Variants in RNLS observed in about 807,000 individuals in gnomAD.
RNLS encodes the protein renalase, FAD dependent amine oxidase.
In RNLS, 39 loss-of-function variants were observed where a neutral mutation model predicts 39.8. The observed-to-expected ratio is 0.98, with a 90% confidence interval of 0.76 to 1.28. The LOEUF (loss-of-function observed/expected upper bound fraction) is 1.28. RNLS is among the 50% of genes most tolerant of loss of function. The probability of loss-of-function intolerance (pLI) is 0.00; values close to 1 mark genes in which losing one functional copy is unlikely to be tolerated. For synonymous variants in RNLS, 147 were observed against 150.7 expected, an observed-to-expected ratio of 0.98 and a Z score of 0.18; for missense variants, 410 against 413.3, an observed-to-expected ratio of 0.99 and a Z score of 0.07.
chr10:88,364,570 C>A (rs1180487464), intron 4 of RNLS, among the ~76,000 whole-genome samples: 1 of 152,076 alleles, frequency 6.6e-6, no homozygotes, highest in Non-Finnish European at 1.5e-5. Context: ...ATTCTTACTA[C>A]CCTATACTTT....
intron 5 of RNLS, among the ~76,000 whole-genome samples, chr10:88,351,273 C>T (rs1008381072): frequency 1.4e-4 from 21 of 152,276 alleles, no homozygotes; most frequent in Admixed American, 5.9e-4. Context: ...GTTGCCATTG[C>T]TTTTGGTGCT....
At chr10:88,432,058 C>G (rs930865014) in intron 4 of RNLS, among the ~76,000 whole-genome samples, 10 of 151,858 alleles carry the variant, frequency 6.6e-5, no homozygotes, top group African/African-American at 2.2e-4. Flanking sequence ...TTTGATAACT[C>G]TAGCAATTAT....
At chr10:88,549,118 T>C (rs1848487927) in intron 4 of RNLS, among the ~76,000 whole-genome samples, 1 of 152,166 alleles carries the variant, frequency 6.6e-6, no homozygotes, top group African/African-American at 2.4e-5. Context: ...ATAGTTGTAG[T>C]GCTATACTGT....
At chr10:88,219,464 T>G in the RNLS span, among the ~76,000 whole-genome samples, 28 of 152,232 alleles carry the variant, frequency 1.8e-4, no homozygotes, top group Admixed American at 1.2e-3. Flanking sequence ...ACAGCTCCCC[T>G]GACTTCTCTG....
chr10:88,246,259 A>G, the RNLS span, among the ~76,000 whole-genome samples: 1 of 152,220 alleles, frequency 6.6e-6, no homozygotes, highest in African/African-American at 2.4e-5. Flanking sequence ...TAAGTGCAAC[A>G]GCTCAGAACT....
At position 88,314,616 on chromosome 10, in the gene RNLS, G is replaced by A. The variant is rs749163737; in HGVS notation, c.726C>T (p.Leu242=). 17 of 1,613,438 alleles carry A rather than the reference G, an allele frequency of 1.1e-5. No homozygotes were observed. The highest frequency in any genetic ancestry group is 5.0e-5 in the Admixed American group (3 of 59,988). ...CAAATGGGACAGTGGTGTGAATCAC[G>A]AGGGAAGGCCCAATTTCTGATGACT... ...NIESSEIGPS[L]VIHTTVPFGV... is the part of the protein sequence containing the mutation. The change falls in exon 6 of 7, where the codon CTC becomes CTT. Residue 242 remains leucine (L), a synonymous_variant. Transcript: ENST00000331772.
chr10:88,196,659 G>A, the RNLS span, among the ~76,000 whole-genome samples: 8 of 152,172 alleles, frequency 5.3e-5, no homozygotes, highest in African/African-American at 1.7e-4. Context: ...AGAACCCATA[G>A]CATGGGGCTA....
Position 88,284,792 on chromosome 10 carries a change from C to A in RNLS, c.*562G>T. ...GAAGGTCTCTTTATCAGTCAAGTTG[C>A]CCTCCACACTAAGATGATGACATAT... is the stretch of plus-strand genomic sequence containing the variant. On this transcript the variant is annotated 3_prime_UTR_variant, in exon 7 of 7. Transcript: ENST00000331772. 1.0e-6 allele frequency: 1 copy of A among 985,260 alleles called. No homozygotes were observed. The highest frequency in any genetic ancestry group is 1.2e-6 in the Non-Finnish European group (1 of 829,880). 61.0% of individuals were successfully genotyped at this position (985,260 alleles called of 1,614,324 possible). A position where few individuals can be genotyped will look rare whatever the true frequency, so the allele number is the denominator to read the frequency against.
At chr10:88,462,129 A>G (rs1462169829) in intron 4 of RNLS, among the ~76,000 whole-genome samples, 1 of 152,022 alleles carries the variant, frequency 6.6e-6, no homozygotes, top group Non-Finnish European at 1.5e-5. Context: ...ATTTTTTGCC[A>G]CTTTATATTT....
Position 88,375,064 on chromosome 10 carries a change from ACTCT to A in RNLS, c.527-12343_527-12340del, listed in dbSNP as rs1488661829. On this transcript the variant is annotated intron_variant, in intron 4 of 6. Coordinates refer to ENST00000331772, the MANE Select transcript of RNLS (RefSeq NM_001031709.3). ...TCCTTTTAAAATTTCCAGTCTTGTTACTCTCTCTCTTCCTCTTCAATTTCTTGTC... is the reference window on the plus strand; with the variant it reads ...TCCTTTTAAAATTTCCAGTCTTGTTACTCTCTTCCTCTTCAATTTCTTGTC... Among the ~76,000 whole-genome samples, 24 of 151,820 alleles carry A rather than the reference ACTCT, an allele frequency of 1.6e-4. No individual in the cohort carries two copies. In the East Asian group the frequency reaches 4.6e-3, roughly 29 times the overall value.
chr10:88,253,464 A>G, the RNLS span, among the ~76,000 whole-genome samples: 2 of 152,198 alleles, frequency 1.3e-5, no homozygotes, highest in Non-Finnish European at 2.9e-5. Flanking sequence ...TGCCAGATGG[A>G]CACAGAGGCT....
the RNLS span, among the ~76,000 whole-genome samples, chr10:88,188,335 G>T: frequency 6.6e-6 from 1 of 152,202 alleles, no homozygotes; most frequent in Non-Finnish European, 1.5e-5. Flanking sequence ...AGGATTACAG[G>T]CATGAGCCAC....
At chr10:88,233,559 C>T in the RNLS span, among the ~76,000 whole-genome samples, 1 of 152,176 alleles carries the variant, frequency 6.6e-6, no homozygotes, top group South Asian at 2.1e-4. Flanking sequence ...AGATAAACAA[C>T]GCGTAATCAT....
chr10:88,251,360 G>A, the RNLS span, among the ~76,000 whole-genome samples: 4,612 of 152,312 alleles, frequency 0.03, 262 homozygotes, highest in African/African-American at 0.11. Flanking sequence ...GAGAGAATGA[G>A]CAGCATGTGA....
At chr10:88,543,219 G>T (rs1848134794) in intron 4 of RNLS, among the ~76,000 whole-genome samples, 1 of 152,022 alleles carries the variant, frequency 6.6e-6, no homozygotes, top group African/African-American at 2.4e-5. Context: ...ATTGCTGCCA[G>T]CCTCTTTCCT....
chr10:88,192,223 C>G, the RNLS span, among the ~76,000 whole-genome samples: 1 of 152,008 alleles, frequency 6.6e-6, no homozygotes, highest in African/African-American at 2.4e-5. Flanking sequence ...CATGGACACC[C>G]CTACGGTGGA....
chr10:88,271,982 G>A (rs909899322), downstream of RNLS, among the ~76,000 whole-genome samples: 1 of 152,188 alleles, frequency 6.6e-6, no homozygotes, highest in Non-Finnish European at 1.5e-5. Flanking sequence ...TTTACCATCT[G>A]TGCAAGAGTG....
the RNLS span, among the ~76,000 whole-genome samples, chr10:88,214,032 C>T: frequency 1.3e-5 from 2 of 152,048 alleles, no homozygotes; most frequent in East Asian, 3.8e-4. Flanking sequence ...AATCAGGACT[C>T]GGTTTCTCTC....
intron 6 of RNLS, among the ~76,000 whole-genome samples, chr10:88,301,929 G>A (rs1844560388): frequency 6.6e-6 from 1 of 152,170 alleles, no homozygotes; most frequent in South Asian, 2.1e-4. Flanking sequence ...AACGAACACA[G>A]AGCTAAGCTA....
Sources: gnomAD v4.1 joint callset for allele counts (sites outside exome capture counted in the v4.1 genomes callset) on GRCh38, gnomAD v4.1.1 for gene constraint, MANE v1.5 for transcripts, NCBI Gene and HGNC (gene_info 2026-07-23, HGNC 2026-07-21) for gene names.